Variants in ANKS1B observed in about 807,000 individuals in gnomAD.
ANKS1B encodes ankyrin repeat and sterile alpha motif domain-containing protein 1B.
A neutral mutation model predicts 148.3 loss-of-function variants in ANKS1B; 36 were observed. That is an observed-to-expected ratio of 0.24 (90% CI 0.19 to 0.32). The LOEUF (loss-of-function observed/expected upper bound fraction) is 0.32, where lower values mean the gene tolerates loss of function less well. Among genes scored for constraint, ANKS1B ranks in the 10% least tolerant of loss-of-function variants. The pLI is 1.00. For missense variants in ANKS1B, 1,157 were observed against 1,542.6 expected (o/e 0.75, Z 4.19); for synonymous variants, 542 against 560.8 (o/e 0.97, Z 0.47).
rs1463383505 is a variant in ANKS1B at position 98,800,912 on chromosome 12, T to C, written c.3270+85A>G. 6 of 1,446,872 alleles carry C rather than the reference T, an allele frequency of 4.1e-6. No individual in the cohort carries two copies. The African/African-American group carries it at 4.3e-5, about 10-fold the overall frequency. The allele number at this position is 1,446,872 out of a possible 1,614,324, so 89.6% of individuals were successfully genotyped here. ...TCAGTGATGGATATGGATATTTTGG[T>C]ATATTTTCAATGTAAATGCAAACAA... On this transcript the variant is annotated intron_variant, in intron 21 of 26. Transcript: ENST00000683438.
rs536218620 is a variant in ANKS1B at position 98,823,176 on chromosome 12, G to A, written c.3066+5998C>T. On this transcript the variant is annotated intron_variant, in intron 19 of 26. Coordinates refer to ENST00000683438, the MANE Select transcript of ANKS1B (RefSeq NM_001352186.2). ...GGGCACAGATATCATCAACATTCCA[G>A]ATGATCTCTGAAGCTCGGGTGTCAG... is the stretch of plus-strand genomic sequence containing the variant. 7.2e-5 allele frequency among the ~76,000 whole-genome samples: 11 copies of A among 152,326 alleles called. No homozygotes were observed. In the South Asian group the frequency reaches 2.3e-3, roughly 32 times the overall value.
intron 12 of ANKS1B, among the ~76,000 whole-genome samples, chr12:99,292,573 T>A: frequency 6.7e-6 from 1 of 148,432 alleles, no homozygotes. Flanking sequence ...ACCTACAGAA[T>A]GGGAGAAAAT....
At chr12:99,376,348 T>C (rs1244747317) in intron 12 of ANKS1B, among the ~76,000 whole-genome samples, 1 of 152,216 alleles carries the variant, frequency 6.6e-6, no homozygotes, top group African/African-American at 2.4e-5. Flanking sequence ...CAGGTGAGCA[T>C]AGCTGTTATC....
intron 12 of ANKS1B, among the ~76,000 whole-genome samples, chr12:99,280,590 C>T (rs1463020302): frequency 3.3e-5 from 5 of 152,070 alleles, no homozygotes; most frequent in Non-Finnish European, 7.4e-5. Flanking sequence ...AACATTTGAA[C>T]TGGTAGACTG....
chr12:99,966,541 C>T (rs996363570), intron 1 of ANKS1B, among the ~76,000 whole-genome samples: 12 of 152,050 alleles, frequency 7.9e-5, no homozygotes, highest in South Asian at 2.1e-4. Flanking sequence ...ACTGCTCAAA[C>T]GAAAAAGCTA....
At chr12:99,951,312 G>A (rs866227266) in intron 1 of ANKS1B, among the ~76,000 whole-genome samples, 46 of 152,168 alleles carry the variant, frequency 3.0e-4, no homozygotes, top group Non-Finnish European at 2.1e-4. Context: ...ACCGGTACTA[G>A]GAAATTTTCT....
intron 17 of ANKS1B, among the ~76,000 whole-genome samples, chr12:98,997,107 CA>C (rs1378076778): frequency 6.6e-6 from 1 of 151,830 alleles, no homozygotes; most frequent in Non-Finnish European, 1.5e-5. Context: ...AAGAAATATG[CA>C]AAAAACACTA....
At chr12:99,709,605 C>T (rs11609089) in intron 8 of ANKS1B, among the ~76,000 whole-genome samples, 29,308 of 151,994 alleles carry the variant, frequency 0.19, 3,152 homozygotes, top group Middle Eastern at 0.24. Flanking sequence ...GCTAGACCCA[C>T]ATTTTTTGAA....
intron 8 of ANKS1B, among the ~76,000 whole-genome samples, chr12:99,732,219 C>G (rs2059230996): frequency 6.6e-6 from 1 of 152,142 alleles, no homozygotes; most frequent in African/African-American, 2.4e-5. Context: ...TAATACGGTA[C>G]AGCCACTTTG....
intron 17 of ANKS1B, among the ~76,000 whole-genome samples, chr12:98,869,275 C>G (rs2099641146): frequency 6.6e-6 from 1 of 152,050 alleles, no homozygotes; most frequent in Non-Finnish European, 1.5e-5. Flanking sequence ...GTGAATAGAC[C>G]CAAGGCCTGG....
intron 13 of ANKS1B, among the ~76,000 whole-genome samples, chr12:99,244,667 A>T (rs1024454790): frequency 6.6e-6 from 1 of 152,192 alleles, no homozygotes; most frequent in Non-Finnish European, 1.5e-5. Flanking sequence ...CTTGAAATAA[A>T]CTTTGTACTT....
intron 17 of ANKS1B, among the ~76,000 whole-genome samples, chr12:99,038,441 C>T (rs2153480991): frequency 6.6e-6 from 1 of 152,300 alleles, no homozygotes; most frequent in Middle Eastern, 3.4e-3. Context: ...GTACAAGGCA[C>T]CACCATCTCT....
intron 11 of ANKS1B, among the ~76,000 whole-genome samples, chr12:99,429,474 C>T (rs1459299888): frequency 2.6e-5 from 4 of 152,126 alleles, no homozygotes; most frequent in Admixed American, 1.3e-4. Context: ...TATTCCAGAT[C>T]AAATGAGATT....
At position 99,272,543 on chromosome 12, in the gene ANKS1B, C is replaced by T. The variant is rs574544306; in HGVS notation, c.1757-25679G>A. Among the ~76,000 whole-genome samples the T allele has an allele frequency of 2.6e-5, 4 of 152,204 alleles. No homozygotes were observed. The East Asian group carries it at 7.7e-4, about 29-fold the overall frequency. ...ATATCCATCATGTTAAACATTTATC[C>T]TGATTTGACCAATACACACTGTACA... is the stretch of plus-strand genomic sequence containing the variant. On this transcript the variant is annotated intron_variant, in intron 12 of 26. Coordinates refer to ENST00000683438, the MANE Select transcript of ANKS1B (RefSeq NM_001352186.2).
intron 17 of ANKS1B, among the ~76,000 whole-genome samples, chr12:98,847,783 A>T (rs1056170969): frequency 1.3e-5 from 2 of 151,902 alleles, no homozygotes; most frequent in East Asian, 3.9e-4. Flanking sequence ...TTTAGTAGAG[A>T]GGGGGTTTTG....
intron 1 of ANKS1B, among the ~76,000 whole-genome samples, chr12:99,867,439 G>T (rs954491944): frequency 1.3e-4 from 20 of 152,146 alleles, no homozygotes; most frequent in African/African-American, 3.9e-4. Flanking sequence ...AAGAAAAAGA[G>T]GTTTAACGGA....
intron 22 of ANKS1B, among the ~76,000 whole-genome samples, chr12:98,784,606 G>A (rs375033568): frequency 6.6e-6 from 1 of 152,280 alleles, no homozygotes; most frequent in Non-Finnish European, 1.5e-5. Flanking sequence ...CAGCTGGAGA[G>A]GAGAACACAG....
chr12:98,735,796 G>A (rs903617891), intron 9 of ANKS1B, among the ~76,000 whole-genome samples: 1 of 152,170 alleles, frequency 6.6e-6, no homozygotes, highest in Non-Finnish European at 1.5e-5. Flanking sequence ...GCCAGGGAGA[G>A]GCAGAAAAAG....
chr12:99,254,390 CAT>C (rs1192944544), intron 12 of ANKS1B, among the ~76,000 whole-genome samples: 1 of 152,222 alleles, frequency 6.6e-6, no homozygotes, highest in Admixed American at 6.5e-5. Flanking sequence ...TTCATTATCT[CAT>C]GAGTGTACAG....
Sources: gnomAD v4.1 joint callset for allele counts (sites outside exome capture counted in the v4.1 genomes callset) on GRCh38, gnomAD v4.1.1 for gene constraint, MANE v1.5 for transcripts, NCBI Gene and HGNC (gene_info 2026-07-23, HGNC 2026-07-21) for gene names.